The following ARHGEF28 variants were observed in gnomAD, a reference collection of about 807,000 sequenced individuals.
ARHGEF28 encodes the protein 190 kDa guanine nucleotide exchange factor.
Under a neutral mutation model 206.6 loss-of-function variants are expected in ARHGEF28, and 152 were observed. The observed-to-expected ratio is 0.74, with a 90% CI of 0.64 to 0.84. The LOEUF is 0.84. ARHGEF28 is among the 40% of genes least tolerant of loss of function. The pLI, the probability that ARHGEF28 is intolerant of heterozygous loss-of-function variation, is 0.00. For synonymous variants in ARHGEF28, 763 were observed against 776.4 expected (o/e 0.98, Z 0.29); for missense variants, 2,028 against 2,073.2 (o/e 0.98, Z 0.42).
chr5:73,653,648 C>A (rs569015552), intron 1 of ARHGEF28, among the ~76,000 whole-genome samples: 2 of 152,210 alleles, frequency 1.3e-5, no homozygotes, highest in Non-Finnish European at 1.5e-5. Context: ...GTGCTCCATG[C>A]ATGTGCTGGA....
chr5:73,801,979 T>C (rs1038984623), intron 9 of ARHGEF28, among the ~76,000 whole-genome samples: 1 of 152,208 alleles, frequency 6.6e-6, no homozygotes, highest in African/African-American at 2.4e-5. Context: ...AGCTCAGCAA[T>C]GCTGAAATCA....
At chr5:73,750,023 C>A (rs1422912630) in intron 3 of ARHGEF28, 39 bp downstream of exon 3, 1 of 1,605,486 alleles carries the variant, frequency 6.2e-7, no homozygotes. Context: ...GGAAATTAGT[C>A]TGCAAATAAC....
In ARHGEF28 at chr5:73,892,950, G is replaced by A. The variant is rs1217382481; in HGVS notation, c.3567-247G>A. 1.3e-5 allele frequency among the ~76,000 whole-genome samples: 2 copies of A among 152,124 alleles called. 1 individual carries two copies. Among genetic ancestry groups the A allele is most frequent in the South Asian group, 4.1e-4 (2 of 4,824 alleles). On this transcript the variant is annotated intron_variant, in intron 27 of 35. Coordinates refer to ENST00000513042, the MANE Select transcript of ARHGEF28 (RefSeq NM_001177693.2). ...TTATGGGTGTGTGTGGTGAGTGTAT[G>A]TTTGTGTTCACTGGAATATTTGAGT...
chr5:73,895,448 A>G (rs566622798), intron 29 of ARHGEF28, among the ~76,000 whole-genome samples: 1 of 152,284 alleles, frequency 6.6e-6, no homozygotes, highest in South Asian at 2.1e-4. Flanking sequence ...AGGTCTATAG[A>G]GGAAAGGCAA....
chr5:73,848,309 G>T (rs182339409), intron 12 of ARHGEF28, among the ~76,000 whole-genome samples: 2 of 152,172 alleles, frequency 1.3e-5, no homozygotes, highest in East Asian at 3.9e-4. Context: ...AAGTAATTGG[G>T]ACAACAGGAA....
chr5:73,678,442 CA>C (rs1465868283), intron 1 of ARHGEF28, among the ~76,000 whole-genome samples: 1 of 152,142 alleles, frequency 6.6e-6, no homozygotes, highest in Non-Finnish European at 1.5e-5. Context: ...ATGTAAATAA[CA>C]TTGTCTAGCC....
chr5:73,706,605 T>TTGAC (rs1334405864), intron 2 of ARHGEF28, among the ~76,000 whole-genome samples: 2 of 152,194 alleles, frequency 1.3e-5, no homozygotes, highest in Non-Finnish European at 2.9e-5. Context: ...TAAGTATTTA[T>TTGAC]TGACTGAATG....
chr5:73,750,584 G>A (rs1751971405), intron 3 of ARHGEF28, among the ~76,000 whole-genome samples: 1 of 152,056 alleles, frequency 6.6e-6, no homozygotes, highest in South Asian at 2.1e-4. Flanking sequence ...CTTCTTGATA[G>A]ATGACAAATT....
chr5:73,797,973 T>C (rs1316658936), intron 9 of ARHGEF28, among the ~76,000 whole-genome samples: 2 of 152,214 alleles, frequency 1.3e-5, no homozygotes, highest in African/African-American at 4.8e-5. Context: ...AATCGGATTT[T>C]TAATTATCTA....
chr5:73,794,853 C>T (rs151004333), intron 8 of ARHGEF28, among the ~76,000 whole-genome samples: 3,285 of 152,240 alleles, frequency 0.022, 58 homozygotes, highest in East Asian at 0.065. Context: ...GTGATCTGCC[C>T]GCCTCGGTCT....
Position 73,917,326 on chromosome 5 carries a change from T to C in ARHGEF28, c.4948+5751T>C, listed in dbSNP as rs569799438. On this transcript the variant is annotated intron_variant, in intron 35 of 35. Transcript: ENST00000513042. Reference sequence around the variant, plus strand: ...TTAGGTTATGTTTTAAAGGAAACTATAATATTGCTTGCTCTTGGTAATCTA... The same window carrying C: ...TTAGGTTATGTTTTAAAGGAAACTACAATATTGCTTGCTCTTGGTAATCTA... Among the ~76,000 whole-genome samples the C allele has an allele frequency of 6.2e-4, 95 of 152,376 alleles. 1 individual carries two copies. Among genetic ancestry groups the C allele is most frequent in the Admixed American group, 6.1e-3 (94 of 15,306 alleles).
intron 1 of ARHGEF28, among the ~76,000 whole-genome samples, chr5:73,648,989 CATG>C (rs1422279286): frequency 1.3e-5 from 2 of 152,190 alleles, no homozygotes; most frequent in Non-Finnish European, 2.9e-5. Flanking sequence ...CTGCCATCAC[CATG>C]ATAATGGTGT....
intron 1 of ARHGEF28, among the ~76,000 whole-genome samples, chr5:73,663,625 A>G (rs928725857): frequency 3.3e-5 from 5 of 152,204 alleles, no homozygotes; most frequent in South Asian, 2.1e-4. Flanking sequence ...TTAGCTCTCA[A>G]TTGTTGGCAA....
At chr5:73,840,391 A>G in intron 10 of ARHGEF28, 89 bp from the exon 11 acceptor site, 2 of 1,396,134 alleles carry the variant, frequency 1.4e-6, no homozygotes, top group South Asian at 2.8e-5. Flanking sequence ...CCTGGCCAGA[A>G]GTTTTTAAAT....
intron 1 of ARHGEF28, among the ~76,000 whole-genome samples, chr5:73,665,779 A>G (rs1415354480): frequency 6.6e-6 from 1 of 152,006 alleles, no homozygotes; most frequent in Admixed American, 6.6e-5. Flanking sequence ...TTAAAGGCCC[A>G]CCTCTCAATA....
intron 9 of ARHGEF28, among the ~76,000 whole-genome samples, chr5:73,818,817 C>T (rs1212380914): frequency 6.6e-6 from 1 of 152,180 alleles, no homozygotes; most frequent in Non-Finnish European, 1.5e-5. Flanking sequence ...GTATCATTCT[C>T]CATTAATCTC....
chr5:73,940,036 C>A (rs1005389089), intron 35 of ARHGEF28, among the ~76,000 whole-genome samples: 10 of 152,166 alleles, frequency 6.6e-5, no homozygotes, highest in African/African-American at 2.4e-4. Context: ...TTTGTTCTAA[C>A]ACAAGCTGGT....
At chr5:73,851,124 A>AT (rs1441425280) in intron 13 of ARHGEF28, among the ~76,000 whole-genome samples, 1 of 152,240 alleles carries the variant, frequency 6.6e-6, no homozygotes, top group Non-Finnish European at 1.5e-5. Flanking sequence ...GCAAAGATAT[A>AT]TTCTAATGTT....
intron 2 of ARHGEF28, among the ~76,000 whole-genome samples, chr5:73,714,698 A>C (rs893244689): frequency 1.3e-5 from 2 of 152,232 alleles, no homozygotes; most frequent in African/African-American, 4.8e-5. Context: ...TCATATGCAC[A>C]AATCTTAAGA....
Sources: gnomAD v4.1 joint callset for allele counts (sites outside exome capture counted in the v4.1 genomes callset) on GRCh38, gnomAD v4.1.1 for gene constraint, MANE v1.5 for transcripts, NCBI Gene and HGNC (gene_info 2026-07-23, HGNC 2026-07-21) for gene names.